GRM8: variants seen among roughly 807,000 people sequenced by gnomAD.
The protein encoded by GRM8 is metabotropic glutamate receptor 8.
In GRM8, 47 loss-of-function variants were observed where a neutral mutation model predicts 87.2. That is an observed-to-expected ratio of 0.54 (90% CI 0.43 to 0.69). The LOEUF (loss-of-function observed/expected upper bound fraction) is 0.69, where lower values mean the gene tolerates loss of function less well. GRM8 is among the 30% of genes least tolerant of loss of function. GRM8 has a pLI of 0.00. For synonymous variants in GRM8, 396 were observed against 404.5 expected (o/e 0.98, Z 0.25); for missense variants, 1,019 against 1,139.2 (o/e 0.89, Z 1.52).
At chr7:126,569,274 T>G (rs1365197630) in intron 8 of GRM8, among the ~76,000 whole-genome samples, 1 of 152,126 alleles carries the variant, frequency 6.6e-6, no homozygotes, top group Non-Finnish European at 1.5e-5. Context: ...AAGCCAATGT[T>G]TCTCTAATTT....
At chr7:126,760,617 T>A (rs1053830119) in intron 7 of GRM8, among the ~76,000 whole-genome samples, 3 of 152,172 alleles carry the variant, frequency 2.0e-5, no homozygotes, top group Non-Finnish European at 2.9e-5. Context: ...ATTTATAAAT[T>A]TTTAAAAAGT....
At chr7:126,585,256 A>G (rs1243095198) in intron 8 of GRM8, among the ~76,000 whole-genome samples, 1 of 152,206 alleles carries the variant, frequency 6.6e-6, no homozygotes, top group African/African-American at 2.4e-5. Flanking sequence ...TAATTCTATG[A>G]ATATGGAAAT....
At chr7:126,795,294 A>T (rs1276012404) in intron 6 of GRM8, among the ~76,000 whole-genome samples, 1 of 152,120 alleles carries the variant, frequency 6.6e-6, no homozygotes, top group East Asian at 1.9e-4. Context: ...CTAGCTCAGA[A>T]GCAAAGTGAA....
Position 126,901,955 on chromosome 7 carries a change from GT to G in GRM8, c.1156+586del, listed in dbSNP as rs560232095. On this transcript the variant is annotated intron_variant, in intron 6 of 10. Transcript: ENST00000339582. ...CTGTCTCAAAAAAAAAATTATGCGA[GT>G]TTTTTTTCTATGTGCACAATCATCT... 4.5e-3 allele frequency among the ~76,000 whole-genome samples: 681 copies of G among 151,464 alleles called. 7 individuals are homozygous for G. The highest frequency in any genetic ancestry group is 0.015 in the African/African-American group (637 of 41,294).
intron 9 of GRM8, among the ~76,000 whole-genome samples, chr7:126,475,309 C>A (rs981587744): frequency 6.6e-6 from 1 of 151,600 alleles, no homozygotes; most frequent in Non-Finnish European, 1.5e-5. Flanking sequence ...ATATAAAAAT[C>A]GGTTGAATTT....
At chr7:127,051,500 C>T (rs1263861716) in intron 3 of GRM8, among the ~76,000 whole-genome samples, 1 of 152,054 alleles carries the variant, frequency 6.6e-6, no homozygotes, top group Non-Finnish European at 1.5e-5. Context: ...CTCACCGTAA[C>T]CTTTTCATGA....
chr7:126,488,720 A>T (rs1221176537), intron 9 of GRM8, among the ~76,000 whole-genome samples: 1 of 151,920 alleles, frequency 6.6e-6, no homozygotes, highest in Non-Finnish European at 1.5e-5. Context: ...TTTCTTTGGG[A>T]ATTAGAATTA....
chr7:126,618,713 G>A (rs1333359078), intron 7 of GRM8, among the ~76,000 whole-genome samples: 1 of 152,102 alleles, frequency 6.6e-6, no homozygotes, highest in Non-Finnish European at 1.5e-5. Flanking sequence ...AGTGCGCAAA[G>A]GATATGAACA....
intron 8 of GRM8, among the ~76,000 whole-genome samples, chr7:126,543,190 T>A (rs770094296): frequency 6.6e-6 from 1 of 152,240 alleles, no homozygotes; most frequent in East Asian, 1.9e-4. Context: ...TACATGATTA[T>A]GTATTTGTTT....
chr7:126,787,633 T>C lies in GRM8; in HGVS notation c.1157-17568A>G, dbSNP rs1381592993. ...TTCCTATTATATTTACAAAGTATTT[T>C]CTATTCTCCTTGATCACTTTTCCAA... On this transcript the variant is annotated intron_variant, in intron 6 of 10. Transcript: ENST00000339582. 2.0e-5 allele frequency among the ~76,000 whole-genome samples: 3 copies of C among 152,200 alleles called. 1 individual carries two copies. The highest frequency in any genetic ancestry group is 7.2e-5 in the African/African-American group (3 of 41,466).
intron 1 of GRM8, among the ~76,000 whole-genome samples, chr7:127,250,646 C>G (rs759820196): frequency 6.6e-6 from 1 of 152,174 alleles, no homozygotes; most frequent in Non-Finnish European, 1.5e-5. Context: ...AATTATCAAG[C>G]CACACGTTTT....
At chr7:127,156,725 C>G (rs1386945402) in intron 2 of GRM8, among the ~76,000 whole-genome samples, 2 of 151,950 alleles carry the variant, frequency 1.3e-5, no homozygotes, top group African/African-American at 4.8e-5. Context: ...CCCAATAAAT[C>G]AGAACTAATG....
At chr7:126,761,811 C>T (rs566569126) in intron 7 of GRM8, among the ~76,000 whole-genome samples, 12 of 152,290 alleles carry the variant, frequency 7.9e-5, no homozygotes, top group African/African-American at 2.9e-4. Context: ...TATTAAACTG[C>T]CTTCTCTGTC....
chr7:127,030,962 T>A (rs1661115283), intron 3 of GRM8, among the ~76,000 whole-genome samples: 2 of 152,144 alleles, frequency 1.3e-5, no homozygotes, highest in Admixed American at 6.6e-5. Flanking sequence ...AGATGTGGTC[T>A]ACCAGTGAAG....
At chr7:126,446,093 T>C (rs1402195642) in intron 10 of GRM8, 33 bp downstream of exon 10, 1 of 1,611,892 alleles carries the variant, frequency 6.2e-7, no homozygotes, top group Non-Finnish European at 8.5e-7. Context: ...GTGCTCCCGC[T>C]CTTGACCATC....
At chr7:126,845,158 T>C (rs1796602691) in intron 6 of GRM8, among the ~76,000 whole-genome samples, 1 of 152,204 alleles carries the variant, frequency 6.6e-6, no homozygotes, top group Non-Finnish European at 1.5e-5. Flanking sequence ...TAACTGAGAA[T>C]TGACTTTAAT....
At chr7:127,207,270 C>A (rs186445585) in intron 2 of GRM8, among the ~76,000 whole-genome samples, 29 of 152,038 alleles carry the variant, frequency 1.9e-4, no homozygotes, top group African/African-American at 6.8e-4. Flanking sequence ...ACCATCAGAA[C>A]CCTTATTTTC....
chr7:126,823,444 C>T (rs768646207), intron 6 of GRM8, among the ~76,000 whole-genome samples: 1 of 152,192 alleles, frequency 6.6e-6, no homozygotes, highest in Non-Finnish European at 1.5e-5. Flanking sequence ...CCCTTCAATC[C>T]ATTCTTCTCT....
intron 3 of GRM8, chr7:127,091,039 A>G (rs1246293371): frequency 1.3e-5 from 2 of 152,236 alleles, no homozygotes; most frequent in Non-Finnish European, 2.9e-5. Context: ...GGAATAATTT[A>G]AAAAGTGGTA....
Sources: gnomAD v4.1 joint callset for allele counts (sites outside exome capture counted in the v4.1 genomes callset) on GRCh38, gnomAD v4.1.1 for gene constraint, MANE v1.5 for transcripts, NCBI Gene and HGNC (gene_info 2026-07-23, HGNC 2026-07-21) for gene names.